The following NCAM2 variants were observed in gnomAD, a reference collection of about 807,000 sequenced individuals.
NCAM2 encodes N-CAM-2.
A neutral mutation model predicts 98.1 loss-of-function variants in NCAM2; 30 were observed. The observed-to-expected ratio is 0.31, with a 90% CI of 0.23 to 0.41. The LOEUF (loss-of-function observed/expected upper bound fraction) is 0.41. Ranked by LOEUF, NCAM2 falls within the 10% of genes least tolerant of loss-of-function variation. The pLI is 1.00. For synonymous variants in NCAM2, 368 were observed against 342.4 expected (o/e 1.07, Z -0.83); for missense variants, 867 against 1,005.8 (o/e 0.86, Z 1.87).
At position 21,492,313 on chromosome 21, in the gene NCAM2, C is replaced by T. The variant is rs144838003; in HGVS notation, c.2077+14842C>T. The stretch of plus-strand genomic sequence containing the variant: ...ATATGTCTTAGGTCTAGTTCCTTTG[C>T]TATTTTCTTGATTGGCCTGTGGAGA... On this transcript the variant is annotated intron_variant, in intron 15 of 17. Coordinates refer to ENST00000400546, the MANE Select transcript of NCAM2 (RefSeq NM_004540.5). 1.1e-3 allele frequency among the ~76,000 whole-genome samples: 163 copies of T among 151,960 alleles called. 1 individual carries two copies. Among genetic ancestry groups the T allele is most frequent in the Non-Finnish European group, 1.5e-3 (101 of 67,800 alleles).
At chr21:21,077,410 A>G (rs1336718532) in intron 1 of NCAM2, among the ~76,000 whole-genome samples, 1 of 152,198 alleles carries the variant, frequency 6.6e-6, no homozygotes, top group Non-Finnish European at 1.5e-5. Flanking sequence ...TTATTGAGAA[A>G]GAAGCATCTA....
intron 1 of NCAM2, among the ~76,000 whole-genome samples, chr21:21,014,889 A>C (rs907102476): frequency 2.6e-5 from 4 of 152,310 alleles, no homozygotes; most frequent in East Asian, 3.9e-4. Flanking sequence ...TGTCAACATT[A>C]ATAGGAGTTT....
At chr21:21,158,978 C>G (rs898492266) in intron 1 of NCAM2, among the ~76,000 whole-genome samples, 1 of 151,980 alleles carries the variant, frequency 6.6e-6, no homozygotes, top group African/African-American at 2.4e-5. Context: ...GAGGATAGCT[C>G]CATGATGTTA....
chr21:20,999,733 A>G (rs990795033), intron 1 of NCAM2, among the ~76,000 whole-genome samples: 1 of 152,222 alleles, frequency 6.6e-6, no homozygotes, highest in African/African-American at 2.4e-5. Context: ...AAGCATTTTT[A>G]GCCTCTTCTG....
intron 15 of NCAM2, among the ~76,000 whole-genome samples, chr21:21,506,514 T>C (rs1369255076): frequency 6.6e-6 from 1 of 152,144 alleles, no homozygotes; most frequent in East Asian, 1.9e-4. Flanking sequence ...GCAATAGTTC[T>C]TTTTTAATTC....
intron 12 of NCAM2, among the ~76,000 whole-genome samples, chr21:21,452,968 A>AT (rs1569079606): frequency 0.071 from 1,653 of 23,286 alleles, 31 homozygotes; most frequent in Non-Finnish European, 0.15. Flanking sequence ...TATATATTAT[A>AT]TATTATTATA....
At chr21:21,323,884 G>A (rs2074441197) in intron 5 of NCAM2, among the ~76,000 whole-genome samples, 1 of 152,266 alleles carries the variant, frequency 6.6e-6, no homozygotes, top group Non-Finnish European at 1.5e-5. Context: ...CTGTTTTGAA[G>A]CAGTGATATA....
chr21:21,221,721 A>G (rs1007860907), intron 1 of NCAM2, among the ~76,000 whole-genome samples: 1 of 152,232 alleles, frequency 6.6e-6, no homozygotes, highest in Admixed American at 6.5e-5. Flanking sequence ...ATCTTCATAA[A>G]AATGTTAGGT....
intron 15 of NCAM2, among the ~76,000 whole-genome samples, chr21:21,485,797 A>T (rs1465311251): frequency 6.6e-6 from 1 of 152,204 alleles, no homozygotes; most frequent in Non-Finnish European, 1.5e-5. Flanking sequence ...TTCATTCATC[A>T]AAAGCTATCA....
intron 5 of NCAM2, among the ~76,000 whole-genome samples, chr21:21,320,768 T>C (rs2074354862): frequency 6.6e-6 from 1 of 152,148 alleles, no homozygotes; most frequent in African/African-American, 2.4e-5. Context: ...ATTAAGTATT[T>C]GAAAAATTGT....
At chr21:21,408,039 G>A (rs554184197) in intron 9 of NCAM2, among the ~76,000 whole-genome samples, 3 of 152,292 alleles carry the variant, frequency 2.0e-5, no homozygotes, top group African/African-American at 7.2e-5. Context: ...AAAACACTGT[G>A]TAAGCCATTA....
chr21:21,263,144 GACTTCAGTAAAGTTTCATGA>G (rs1225996544), intron 1 of NCAM2, among the ~76,000 whole-genome samples: 2 of 152,032 alleles, frequency 1.3e-5, no homozygotes, highest in Admixed American at 6.6e-5. Context: ...CCTGATCAAT[GACTTCAGTAAAGTTTCATGA>G]TACAAAATTA....
chr21:21,287,342 A>G (rs1468329894), intron 4 of NCAM2, among the ~76,000 whole-genome samples: 2 of 152,004 alleles, frequency 1.3e-5, no homozygotes, highest in East Asian at 1.9e-4. Context: ...ATCATGTTCA[A>G]TAGTCACTTT....
intron 1 of NCAM2, among the ~76,000 whole-genome samples, chr21:21,062,680 C>T (rs1424173186): frequency 6.6e-6 from 1 of 152,146 alleles, no homozygotes; most frequent in African/African-American, 2.4e-5. Context: ...AATGCACCAA[C>T]TAGTAGGTCA....
chr21:21,513,788 T>C (rs1988539267), intron 16 of NCAM2, among the ~76,000 whole-genome samples: 1 of 152,156 alleles, frequency 6.6e-6, no homozygotes, highest in African/African-American at 2.4e-5. Flanking sequence ...TGCTGAAAGA[T>C]GGGTTTTGAG....
At chr21:21,296,981 G>A (rs1003364717) in intron 5 of NCAM2, among the ~76,000 whole-genome samples, 4 of 151,562 alleles carry the variant, frequency 2.6e-5, no homozygotes, top group African/African-American at 9.7e-5. Context: ...CAGATTACAA[G>A]GACTTGAAGC....
chr21:21,327,741 T>G (rs187580945), intron 6 of NCAM2, among the ~76,000 whole-genome samples: 1 of 152,312 alleles, frequency 6.6e-6, no homozygotes, highest in Non-Finnish European at 1.5e-5. Flanking sequence ...CATGGAGGCC[T>G]TATTTTCAAA....
At chr21:21,403,157 CT>C (rs1226619141) in intron 9 of NCAM2, among the ~76,000 whole-genome samples, 2 of 151,732 alleles carry the variant, frequency 1.3e-5, no homozygotes, top group Non-Finnish European at 2.9e-5. Context: ...GTTTTTTTTG[CT>C]ATTGAATTTT....
At chr21:21,426,876 A>G (rs927299226) in intron 11 of NCAM2, among the ~76,000 whole-genome samples, 1 of 152,232 alleles carries the variant, frequency 6.6e-6, no homozygotes, top group African/African-American at 2.4e-5. Context: ...GCAATTTCTT[A>G]TGATAAACAG....
Sources: gnomAD v4.1 joint callset for allele counts (sites outside exome capture counted in the v4.1 genomes callset) on GRCh38, gnomAD v4.1.1 for gene constraint, MANE v1.5 for transcripts, NCBI Gene and HGNC (gene_info 2026-07-23, HGNC 2026-07-21) for gene names.